The following CCAR1 variants were observed in gnomAD, a reference collection of about 807,000 sequenced individuals.
CCAR1 encodes the protein cell division cycle and apoptosis regulator protein 1.
Under a neutral mutation model 163.8 loss-of-function variants are expected in CCAR1, and 78 were observed. The observed-to-expected ratio is 0.48, with a 90% confidence interval of 0.40 to 0.57. CCAR1 has a LOEUF of 0.57. Among genes scored for constraint, CCAR1 ranks in the 20% least tolerant of loss-of-function variants. CCAR1 has a pLI of 0.00. For synonymous variants in CCAR1, 443 were observed against 460.7 expected (o/e 0.96, Z 0.49); for missense variants, 1,019 against 1,365.2 (o/e 0.75, Z 4.00).
At chr10:68,750,395 T>C (rs2056316409) in intron 10 of CCAR1, among the ~76,000 whole-genome samples, 1 of 151,960 alleles carries the variant, frequency 6.6e-6, no homozygotes, top group South Asian at 2.1e-4. Flanking sequence ...CTAATTTTTG[T>C]ATTTTTAGTA....
In CCAR1 at chr10:68,749,639, G is replaced by A. The variant is rs1369664201; in HGVS notation, c.1072G>A (p.Val358Ile). 1 of 1,613,832 alleles carries A rather than the reference G, an allele frequency of 6.2e-7. No homozygotes were observed. The highest frequency in any genetic ancestry group is 2.2e-5 in the East Asian group (1 of 44,894). ...GCGATCACCTCGGAGAGTTCGACGT[G>A]TTGTTCCACGTTACACAGTTCAGTT... ...RERSPRRVRR[V>I]VPRYTVQFSK... Residue 358 changes from valine to isoleucine, a missense_variant, in exon 10 of 25, where the codon GTT becomes ATT. Val to Ile is a conservative substitution (Grantham distance 29, BLOSUM62 3). Around this residue, in one of 4 missense-constraint regions of CCAR1, gnomAD observed 644 missense variants for 904.4 expected, o/e 0.71. Coordinates refer to ENST00000265872, the MANE Select transcript of CCAR1 (RefSeq NM_018237.4).
At chr10:68,754,157 G>C (rs2056370814) in intron 11 of CCAR1, 80 bp downstream of exon 11, 1 of 999,408 alleles carries the variant, frequency 1.0e-6, no homozygotes, top group Non-Finnish European at 1.5e-6. Context: ...TTATCCTTCA[G>C]AAAGTGTTTG....
At chr10:68,730,089 T>C (rs893623245) in intron 2 of CCAR1, among the ~76,000 whole-genome samples, 16 of 151,690 alleles carry the variant, frequency 1.1e-4, no homozygotes, top group African/African-American at 3.9e-4. Flanking sequence ...ACCCAGCTAA[T>C]TTTTGTATTT....
At position 68,755,470 on chromosome 10, in the gene CCAR1, T is replaced by A; in HGVS notation, c.1559T>A (p.Leu520Ter). Residue 520 changes from leucine (L) to a stop codon, truncating the protein, a stop_gained, in exon 13 of 25, where the codon TTG becomes TAG. Transcript: ENST00000265872. LOFTEE classifies it high-confidence loss of function. ...GACCCAGAAAAAGATCCCTCTGTGT[T>A]GATTAAGACTGCTATTCGTTGTTGT... ...GPDPEKDPSV[L>*]IKTAIRCCKA... 1 of 1,614,200 alleles carries A rather than the reference T, an allele frequency of 6.2e-7. No homozygotes were observed. The highest frequency in any genetic ancestry group is 8.5e-7 in the Non-Finnish European group (1 of 1,179,984).
At chr10:68,773,844 C>A (rs2056631019) in intron 19 of CCAR1, among the ~76,000 whole-genome samples, 2 of 152,018 alleles carry the variant, frequency 1.3e-5, no homozygotes. Flanking sequence ...CCTGGAGTAA[C>A]TGGGACTACA....
chr10:68,761,822 G>A (rs201218752), intron 16 of CCAR1, among the ~76,000 whole-genome samples: 4 of 151,028 alleles, frequency 2.6e-5, no homozygotes, highest in Non-Finnish European at 4.4e-5. Flanking sequence ...GGCTGGTCTC[G>A]AACTCCTGAC....
intron 15 of CCAR1, among the ~76,000 whole-genome samples, chr10:68,760,066 A>T (rs2056449119): frequency 1.3e-5 from 2 of 152,110 alleles, no homozygotes; most frequent in South Asian, 4.1e-4. Context: ...TCCTGGCCTC[A>T]AGCGATCCTT....
intron 19 of CCAR1, among the ~76,000 whole-genome samples, chr10:68,783,000 CTTT>C (rs34366966): frequency 2.6e-4 from 24 of 92,408 alleles, no homozygotes; most frequent in Middle Eastern, 5.3e-3. Flanking sequence ...TCACTTTACT[CTTT>C]TTTTTTTTTT....
intron 19 of CCAR1, among the ~76,000 whole-genome samples, chr10:68,778,467 A>G (rs1322182309): frequency 1.3e-5 from 2 of 150,600 alleles, no homozygotes; most frequent in Non-Finnish European, 3.0e-5. Context: ...TGTGCCCCCT[A>G]CTTTATTTAA....
intron 19 of CCAR1, among the ~76,000 whole-genome samples, chr10:68,779,270 T>C (rs1365101363): frequency 2.0e-5 from 3 of 152,062 alleles, no homozygotes; most frequent in Non-Finnish European, 4.4e-5. Flanking sequence ...ACTTTTTTTT[T>C]TTTTTGAGAC....
intron 19 of CCAR1, among the ~76,000 whole-genome samples, chr10:68,782,535 C>T (rs1286378864): frequency 6.6e-6 from 1 of 152,164 alleles, no homozygotes; most frequent in Non-Finnish European, 1.5e-5. Flanking sequence ...CTTCTTCCAT[C>T]GGCTGAAGAT....
At chr10:68,778,710 T>C (rs2056697924) in intron 19 of CCAR1, among the ~76,000 whole-genome samples, 2 of 152,232 alleles carry the variant, frequency 1.3e-5, no homozygotes, top group South Asian at 4.1e-4. Context: ...AATAATTAAA[T>C]AGGCTCCAAA....
intron 16 of CCAR1, among the ~76,000 whole-genome samples, chr10:68,762,240 A>G (rs1346640078): frequency 2.0e-5 from 3 of 152,034 alleles, no homozygotes; most frequent in African/African-American, 7.2e-5. Flanking sequence ...GAGGCAGGAC[A>G]ATGGCCTGAA....
chr10:68,753,645 A>C (rs1456728910), intron 10 of CCAR1, among the ~76,000 whole-genome samples: 3 of 152,204 alleles, frequency 2.0e-5, no homozygotes, highest in Non-Finnish European at 4.4e-5. Flanking sequence ...TAACACTGAG[A>C]ATACTATTTA....
chr10:68,757,481 C>A (rs1423285685), intron 15 of CCAR1, 104 bp downstream of exon 15: 4 of 598,978 alleles, frequency 6.7e-6, no homozygotes, highest in Non-Finnish European at 1.2e-5. Flanking sequence ...GTGGCGCGAT[C>A]TCGGCTCACT....
At chr10:68,728,930 C>A (rs965862560) in intron 2 of CCAR1, among the ~76,000 whole-genome samples, 1 of 149,166 alleles carries the variant, frequency 6.7e-6, no homozygotes, top group African/African-American at 2.5e-5. Flanking sequence ...CCAACCTGGG[C>A]GATAGAGCTG....
chr10:68,782,376 A>T (rs1243929580), intron 19 of CCAR1, among the ~76,000 whole-genome samples: 5 of 151,918 alleles, frequency 3.3e-5, no homozygotes, highest in African/African-American at 1.2e-4. Flanking sequence ...ACGCCACTGC[A>T]CTCAAGCCTG....
rs892271605 is a variant in CCAR1, at chr10:68,756,828, T to C, written c.1836+345T>C. Among the ~76,000 whole-genome samples, 6 of 152,196 alleles carry C rather than the reference T, an allele frequency of 3.9e-5. No homozygotes were observed. The highest frequency in any genetic ancestry group is 2.4e-5 in the African/African-American group (1 of 41,456). On this transcript the variant is annotated intron_variant, in intron 14 of 24. Coordinates refer to ENST00000265872, the MANE Select transcript of CCAR1 (RefSeq NM_018237.4). This position sits in a 1 kb window ranked among gnomAD's most constrained non-coding sequence, Gnocchi z 5.1. The stretch of plus-strand genomic sequence containing the variant: ...TAAACATTTTGCCATTTTCTAAAAT[T>C]TAAAAAATTTTCTTTTTCATGGTCA...
intron 13 of CCAR1, 25 bp downstream of exon 13, chr10:68,755,561 T>G (rs938468529): frequency 6.3e-7 from 1 of 1,588,000 alleles, no homozygotes; most frequent in African/African-American, 1.3e-5. Flanking sequence ...ATTTCTTGAT[T>G]AGAAGTGTTT....
Sources: allele counts gnomAD v4.1 joint callset (sites outside exome capture counted in the v4.1 genomes callset), GRCh38; gene constraint gnomAD v4.1.1; regional missense constraint gnomAD v4.1.1; non-coding constraint Gnocchi (gnomAD v3.1); transcripts MANE v1.5; gene names NCBI Gene and HGNC (gene_info 2026-07-23, HGNC 2026-07-21).